Variants in ARHGAP10 observed in about 807,000 individuals in gnomAD.
ARHGAP10 encodes the protein Rho GTPase activating protein 10.
In ARHGAP10, 87 loss-of-function variants were observed where a neutral mutation model predicts 108.6. That is an observed-to-expected ratio of 0.80 (90% confidence interval 0.67 to 0.96). The LOEUF (loss-of-function observed/expected upper bound fraction) is 0.96, where lower values mean the gene tolerates loss of function less well. Ranked by LOEUF, ARHGAP10 falls within the 40% of genes least tolerant of loss-of-function variation. The pLI, the probability that ARHGAP10 is intolerant of heterozygous loss-of-function variation, is 0.00. For synonymous variants in ARHGAP10, 347 were observed against 341.1 expected, an observed-to-expected ratio of 1.02 and a Z score of -0.19; for missense variants, 939 against 954.5, an observed-to-expected ratio of 0.98 and a Z score of 0.21.
intron 18 of ARHGAP10, among the ~76,000 whole-genome samples, chr4:147,993,646 T>C (rs1740362361): frequency 6.6e-6 from 1 of 152,214 alleles, no homozygotes; most frequent in African/African-American, 2.4e-5. Flanking sequence ...AAGGAGCCTG[T>C]CGTTTGCTTT....
At position 147,732,563 on chromosome 4, in the gene ARHGAP10, A is replaced by G; in HGVS notation, c.154+108A>G. 3 of 1,475,410 alleles carry G rather than the reference A, an allele frequency of 2.0e-6. No homozygotes were observed. In the South Asian group the frequency reaches 3.8e-5, roughly 19 times the overall value. The allele number at this position is 1,475,410 out of a possible 1,614,324, so 91.4% of individuals were successfully genotyped here. On this transcript the variant is annotated intron_variant, in intron 1 of 22. Coordinates refer to ENST00000336498, the MANE Select transcript of ARHGAP10 (RefSeq NM_024605.4). ...TGTGTCCGGGGCCAGCAGCCAGAGG[A>G]ACGGGGAATTCATTCCGGACCAGCC...
At chr4:147,900,721 A>T (rs1736202479) in intron 10 of ARHGAP10, among the ~76,000 whole-genome samples, 1 of 152,182 alleles carries the variant, frequency 6.6e-6, no homozygotes, top group Non-Finnish European at 1.5e-5. Flanking sequence ...TCTTGCTCTA[A>T]TGGAGTCACT....
At chr4:147,944,651 GA>G (rs1324603487) in intron 14 of ARHGAP10, among the ~76,000 whole-genome samples, 1 of 152,126 alleles carries the variant, frequency 6.6e-6, no homozygotes, top group African/African-American at 2.4e-5. Context: ...CCTTCTCTAT[GA>G]AGACAAATAC....
intron 14 of ARHGAP10, among the ~76,000 whole-genome samples, chr4:147,941,647 C>T (rs1018183660): frequency 6.6e-6 from 1 of 152,086 alleles, no homozygotes; most frequent in Non-Finnish European, 1.5e-5. Context: ...CTTGTTACCT[C>T]CTCATTAAGC....
At chr4:147,911,993 A>ATGTGTG (rs1560822641) in intron 12 of ARHGAP10, among the ~76,000 whole-genome samples, 1 of 108,640 alleles carries the variant, frequency 9.2e-6, no homozygotes, top group African/African-American at 4.3e-5. Context: ...AAGAACATTC[A>ATGTGTG]CGTGTGTGTG....
chr4:147,819,275 A>G (rs1321098256), intron 1 of ARHGAP10, among the ~76,000 whole-genome samples: 1 of 152,234 alleles, frequency 6.6e-6, no homozygotes. Flanking sequence ...GGAAGACTAT[A>G]TAGCTTATGC....
At chr4:148,017,652 C>CTATATATATATA (rs35472561) in intron 18 of ARHGAP10, among the ~76,000 whole-genome samples, 316 of 105,240 alleles carry the variant, frequency 3.0e-3, no homozygotes, top group African/African-American at 7.8e-3. Context: ...GAGCCAGTAA[C>CTATATATATATA]TATATATATA....
chr4:147,852,647 C>T (rs940229672), intron 4 of ARHGAP10, among the ~76,000 whole-genome samples: 1 of 150,630 alleles, frequency 6.6e-6, no homozygotes, highest in Non-Finnish European at 1.5e-5. Context: ...TACCATGGGC[C>T]GATTGACGTA....
intron 1 of ARHGAP10, among the ~76,000 whole-genome samples, chr4:147,786,662 G>A (rs766347340): frequency 2.0e-5 from 3 of 151,818 alleles, no homozygotes; most frequent in Admixed American, 6.6e-5. Flanking sequence ...TATGCAGGTC[G>A]TGCATATGGG....
intron 5 of ARHGAP10, among the ~76,000 whole-genome samples, chr4:147,860,346 G>T (rs1734263569): frequency 6.6e-6 from 1 of 152,202 alleles, no homozygotes; most frequent in Non-Finnish European, 1.5e-5. Context: ...GGAGGCTGAG[G>T]CAGGAGAATG....
At chr4:147,921,385 A>C (rs955379586) in intron 13 of ARHGAP10, among the ~76,000 whole-genome samples, 12 of 152,220 alleles carry the variant, frequency 7.9e-5, no homozygotes, top group African/African-American at 2.9e-4. Context: ...ATTGTTGACG[A>C]TTGGGTCTCT....
At chr4:148,014,786 G>A (rs576610059) in intron 18 of ARHGAP10, among the ~76,000 whole-genome samples, 165 of 152,318 alleles carry the variant, frequency 1.1e-3, no homozygotes, top group South Asian at 0.01. Flanking sequence ...AGCGTATAGA[G>A]TGCTACCGAA....
At chr4:148,021,774 T>C (rs1282344449) in intron 18 of ARHGAP10, among the ~76,000 whole-genome samples, 2 of 152,204 alleles carry the variant, frequency 1.3e-5, no homozygotes, top group Admixed American at 6.5e-5. Flanking sequence ...AGTTTGCTAT[T>C]GGCCAGAGTG....
At chr4:147,792,684 C>T (rs1189225679) in intron 1 of ARHGAP10, among the ~76,000 whole-genome samples, 1 of 151,268 alleles carries the variant, frequency 6.6e-6, no homozygotes, top group Non-Finnish European at 1.5e-5. Flanking sequence ...ATGATTTATC[C>T]AAGTTGTTGT....
At chr4:147,760,057 G>A (rs1729532929) in intron 1 of ARHGAP10, among the ~76,000 whole-genome samples, 1 of 152,134 alleles carries the variant, frequency 6.6e-6, no homozygotes. Context: ...GCCTTTTACT[G>A]TGTATTTTAT....
At chr4:147,843,131 A>C (rs918330262) in intron 3 of ARHGAP10, among the ~76,000 whole-genome samples, 1 of 152,072 alleles carries the variant, frequency 6.6e-6, no homozygotes, top group Non-Finnish European at 1.5e-5. Context: ...TTCTCCTTCT[A>C]TCACAGGGAA....
At chr4:147,994,987 A>G (rs1215338993) in intron 18 of ARHGAP10, among the ~76,000 whole-genome samples, 4 of 152,188 alleles carry the variant, frequency 2.6e-5, no homozygotes, top group Non-Finnish European at 4.4e-5. Context: ...TCTTGTGTGT[A>G]ATCGTATTAT....
At chr4:147,825,700 C>CATCA (rs1732680649) in intron 3 of ARHGAP10, among the ~76,000 whole-genome samples, 1 of 152,196 alleles carries the variant, frequency 6.6e-6, no homozygotes, top group Non-Finnish European at 1.5e-5. Context: ...AGTGCCATGA[C>CATCA]ATCACCTTTC....
At chr4:147,904,563 A>C (rs1385819966) in intron 10 of ARHGAP10, among the ~76,000 whole-genome samples, 2 of 152,152 alleles carry the variant, frequency 1.3e-5, no homozygotes, top group Non-Finnish European at 2.9e-5. Context: ...ACATGAGCTC[A>C]TCATTTTTTA....
Sources: gnomAD v4.1 joint callset for allele counts (sites outside exome capture counted in the v4.1 genomes callset) on GRCh38, gnomAD v4.1.1 for gene constraint, MANE v1.5 for transcripts, NCBI Gene and HGNC (gene_info 2026-07-23, HGNC 2026-07-21) for gene names.